Variants in KCNT1 observed in about 807,000 individuals in gnomAD.
KCNT1 encodes potassium sodium-activated channel subfamily T member 1.
A neutral mutation model predicts 147.8 loss-of-function variants in KCNT1; 78 were observed. The ratio of observed to expected loss-of-function variants is 0.53; its 90% CI spans 0.44 to 0.64. The LOEUF (loss-of-function observed/expected upper bound fraction) is 0.64, where lower values mean the gene tolerates loss of function less well. Among genes scored for constraint, KCNT1 ranks in the 30% least tolerant of loss-of-function variants. The pLI, the probability that KCNT1 is intolerant of heterozygous loss-of-function variation, is 0.00. For missense variants in KCNT1, 1,419 were observed against 1,750.3 expected, an observed-to-expected ratio of 0.81 and a Z score of 3.38; for synonymous variants, 867 against 748.8, an observed-to-expected ratio of 1.16 and a Z score of -2.58.
chr9:135,788,962 G>C (rs967355296), intron 29 of KCNT1: 5 of 152,288 alleles, frequency 3.3e-5, no homozygotes, highest in Non-Finnish European at 5.9e-5. Context: ...GTGTTAGCTC[G>C]GGAGGGACCT....
chr9:135,783,667 G>C lies in KCNT1; in HGVS notation c.2842-357G>C, dbSNP rs901690395. ...CGGCACCACTTACAAAACACCGGGG[G>C]AGGAGAGGATTATCAGGAGGATTTG... is the stretch of plus-strand genomic sequence containing the variant. On this transcript the variant is annotated intron_variant, in intron 24 of 30. Transcript: ENST00000371757. Among the ~76,000 whole-genome samples the C allele has an allele frequency of 7.9e-5, 12 of 152,362 alleles. No homozygotes were observed. In the East Asian group the frequency reaches 2.3e-3, roughly 29 times the overall value.
In KCNT1 at chr9:135,792,446, G is replaced by C; in HGVS notation, c.*285G>C. 1 of 318,326 alleles carries C rather than the reference G, an allele frequency of 3.1e-6. No individual in the cohort carries two copies. The highest frequency in any genetic ancestry group is 3.1e-5 in the South Asian group (1 of 31,752). 19.7% of individuals were successfully genotyped at this position (318,326 alleles called of 1,614,324 possible). On this transcript the variant is annotated 3_prime_UTR_variant, in exon 31 of 31. Coordinates refer to ENST00000371757, the MANE Select transcript of KCNT1 (RefSeq NM_020822.3). Reference sequence around the variant, plus strand: ...GTACCGCAACTCGTGACCAGGGCTGGCTGGGAGGGCAACGCAGGGACTGGA... The same window carrying C: ...GTACCGCAACTCGTGACCAGGGCTGCCTGGGAGGGCAACGCAGGGACTGGA...
chr9:135,788,599 T>G (rs1423755092), intron 29 of KCNT1, among the ~76,000 whole-genome samples: 2 of 151,994 alleles, frequency 1.3e-5, no homozygotes, highest in African/African-American at 4.8e-5. Context: ...ACCCAGAGGG[T>G]CCCGAGCCAG....
intron 29 of KCNT1, chr9:135,789,318 T>C (rs1214647536): frequency 6.6e-6 from 1 of 152,274 alleles, no homozygotes; most frequent in African/African-American, 2.4e-5. Flanking sequence ...GTGCCGGGGT[T>C]CTGGGGCTGG....
In KCNT1 at chr9:135,786,207, C is replaced by T. The variant is rs1161728281; in HGVS notation, c.3188C>T (p.Ser1063Leu). The change falls in exon 29 of 31, where the codon TCG becomes TTG. Residue 1063 changes from serine (S) to leucine (L), a missense_variant. Physicochemically the swap from Ser to Leu is moderately radical, Grantham distance 145. This residue lies in a region of KCNT1 where 306 missense variants were observed against 294.2 expected (regional missense o/e 1.04). Transcript: ENST00000371757. Reference sequence around the variant, plus strand: ...CCCTGCCCTGCCCAGTCCCAGATCTCGGTGAACGTGGAGGACTGTGAGGAC... The same window carrying T: ...CCCTGCCCTGCCCAGTCCCAGATCTTGGTGAACGTGGAGGACTGTGAGGAC... ...PHDLRAQSQISVNVEDCEDTR... is the reference protein window; with the variant it reads ...PHDLRAQSQILVNVEDCEDTR... 8.7e-6 allele frequency: 14 copies of T among 1,607,606 alleles called. No homozygotes were observed. Among genetic ancestry groups the T allele is most frequent in the Middle Eastern group, 1.7e-4 (1 of 6,052 alleles).
intron 15 of KCNT1, 143 bp from the exon 16 acceptor site, chr9:135,769,804 A>G (rs1832618951): frequency 1.1e-5 from 7 of 637,902 alleles, no homozygotes; most frequent in Non-Finnish European, 2.0e-5. Context: ...CTCTCGGGGC[A>G]GAGATGCTGA....
chr9:135,748,643 C>T (rs566473464), intron 2 of KCNT1, among the ~76,000 whole-genome samples: 1 of 152,330 alleles, frequency 6.6e-6, no homozygotes, highest in East Asian at 1.9e-4. Context: ...TGGACAGCTG[C>T]CCTGGGACCT....
At chr9:135,785,433 G>C in intron 28 of KCNT1, 103 bp downstream of exon 28, 1 of 1,062,154 alleles carries the variant, frequency 9.4e-7, no homozygotes, top group South Asian at 1.6e-5. Flanking sequence ...CCACCCACAG[G>C]GCCCTGGGAA....
chr9:135,770,906 C>T lies in KCNT1; in HGVS notation c.1819C>T (p.Leu607=). Residue 607 remains leucine (L), a synonymous_variant, in exon 18 of 31, where the codon CTG becomes TTG. Transcript: ENST00000371757. Reference sequence around the variant, plus strand: ...GAAGCGGGAGGACAACAAGAGCATCCTGCTGAACCCGGGGCCCCGGCACAT... The same window carrying T: ...GAAGCGGGAGGACAACAAGAGCATCTTGCTGAACCCGGGGCCCCGGCACAT... ...GLKREDNKSI[L]LNPGPRHILA... is the part of the protein sequence containing the mutation. 1 of 1,605,802 alleles carries T rather than the reference C, an allele frequency of 6.2e-7. No individual in the cohort carries two copies. Among genetic ancestry groups the T allele is most frequent in the Non-Finnish European group, 8.5e-7 (1 of 1,175,938 alleles).
chr9:135,773,478 T>G (rs974107564), intron 19 of KCNT1, among the ~76,000 whole-genome samples: 15 of 152,346 alleles, frequency 9.8e-5, no homozygotes, highest in African/African-American at 3.4e-4. Flanking sequence ...AGGGTCCCTG[T>G]GCAACCCCTG....
chr9:135,735,834 A>C (rs921898617), intron 2 of KCNT1, among the ~76,000 whole-genome samples: 5 of 152,092 alleles, frequency 3.3e-5, no homozygotes, highest in African/African-American at 1.2e-4. Flanking sequence ...GCCTCTACCG[A>C]GCTGGCTTCG....
intron 2 of KCNT1, among the ~76,000 whole-genome samples, chr9:135,724,414 C>T (rs1836046184): frequency 6.6e-6 from 1 of 152,250 alleles, no homozygotes; most frequent in African/African-American, 2.4e-5. Context: ...CAGGCACAGC[C>T]TTGTGGTGGC....
intron 2 of KCNT1, among the ~76,000 whole-genome samples, chr9:135,739,643 G>GC (rs1044310021): frequency 6.6e-6 from 1 of 152,078 alleles, no homozygotes; most frequent in African/African-American, 2.4e-5. Context: ...CTTGGAGCTT[G>GC]CCCCAGATGG....
chr9:135,702,427 A>G, intron 1 of KCNT1, 59 bp downstream of exon 1: 2 of 1,364,584 alleles, frequency 1.5e-6, no homozygotes, highest in Non-Finnish European at 2.1e-6. Context: ...AAGACCCCCA[A>G]GTTCCCCCTC....
intron 29 of KCNT1, chr9:135,790,050 C>T (rs1351488003): frequency 6.6e-6 from 1 of 152,216 alleles, no homozygotes; most frequent in African/African-American, 2.4e-5. Context: ...GCCCAGTGAG[C>T]TCTGCTTACT....
At chr9:135,737,826 G>A (rs573010613) in intron 2 of KCNT1, among the ~76,000 whole-genome samples, 1 of 152,196 alleles carries the variant, frequency 6.6e-6, no homozygotes, top group Admixed American at 6.5e-5. Flanking sequence ...GCAGCCCTGG[G>A]GGGGCACTGC....
At chr9:135,768,725 G>A in intron 14 of KCNT1, 52 bp downstream of exon 14, 2 of 1,535,932 alleles carry the variant, frequency 1.3e-6, no homozygotes, top group Non-Finnish European at 1.8e-6. Context: ...TGGGGCCGGG[G>A]AGCGGGGGTC....
At chr9:135,742,324 A>G (rs997284527) in intron 2 of KCNT1, among the ~76,000 whole-genome samples, 9 of 152,196 alleles carry the variant, frequency 5.9e-5, no homozygotes, top group African/African-American at 2.2e-4. Context: ...GGGACCACAC[A>G]TGGGGCCTGG....
At position 135,779,467 on chromosome 9, in the gene KCNT1, A is replaced by G; in HGVS notation, c.2838A>G (p.Glu946=). 1.2e-6 allele frequency: 2 copies of G among 1,605,712 alleles called. No homozygotes were observed. Among genetic ancestry groups the G allele is most frequent in the Non-Finnish European group, 1.7e-6 (2 of 1,172,606 alleles). The part of the protein sequence containing the change: ...DSYSLALSKL[E]KRERENGSNL... ...ACTCTCTGGCTCTTTCCAAACTAGA[A>G]AAGGTGAGCAGCCCTGCCCCGTGCC... The change falls in exon 24 of 31, where the codon GAA becomes GAG. Residue 946 remains glutamate (E), a synonymous_variant. Transcript: ENST00000371757.
Sources: gnomAD v4.1 joint callset for allele counts (sites outside exome capture counted in the v4.1 genomes callset) on GRCh38, gnomAD v4.1.1 for gene constraint, gnomAD v4.1.1 regional missense constraint, MANE v1.5 for transcripts, NCBI Gene and HGNC (gene_info 2026-07-23, HGNC 2026-07-21) for gene names.